The following ALDH1A3 variants were observed in gnomAD, a reference collection of about 807,000 sequenced individuals.
ALDH1A3 encodes the protein aldehyde dehydrogenase 1 family member A3.
Under a neutral mutation model 57.5 loss-of-function variants are expected in ALDH1A3, and 28 were observed. The ratio of observed to expected loss-of-function variants is 0.49; its 90% CI spans 0.36 to 0.67. ALDH1A3 has a LOEUF of 0.67. Ranked by LOEUF, ALDH1A3 falls within the 30% of genes least tolerant of loss-of-function variation. The pLI, the probability that ALDH1A3 is intolerant of heterozygous loss-of-function variation, is 0.00. For synonymous variants in ALDH1A3, 281 were observed against 264.8 expected (o/e 1.06, Z -0.59); for missense variants, 507 against 669.4 (o/e 0.76, Z 2.68).
chr15:100,902,496 G>A (rs779825794), intron 9 of ALDH1A3, among the ~76,000 whole-genome samples: 6 of 152,180 alleles, frequency 3.9e-5, no homozygotes, highest in Non-Finnish European at 8.8e-5. Flanking sequence ...CTAGATCCGG[G>A]TCCACGGCCG....
intron 1 of ALDH1A3, among the ~76,000 whole-genome samples, chr15:100,884,913 T>C (rs749834816): frequency 1.3e-5 from 2 of 152,224 alleles, no homozygotes; most frequent in African/African-American, 4.8e-5. Flanking sequence ...CAAAGTCTAT[T>C]GGGGTATGAG....
In ALDH1A3 at chr15:100,887,844, C is replaced by A; in HGVS notation, c.345+132C>A. The A allele has an allele frequency of 8.8e-7, 1 of 1,134,582 alleles. No homozygotes were observed. Among genetic ancestry groups the A allele is most frequent in the Non-Finnish European group, 1.2e-6 (1 of 846,656 alleles). The allele number at this position is 1,134,582 out of a possible 1,614,324, so 70.3% of individuals were successfully genotyped here. A position where few individuals can be genotyped will look rare whatever the true frequency, so the allele number is the denominator to read the frequency against. On this transcript the variant is annotated intron_variant, in intron 3 of 12. Coordinates refer to ENST00000329841, the MANE Select transcript of ALDH1A3 (RefSeq NM_000693.4). This position sits in a 1 kb window ranked among gnomAD's most constrained non-coding sequence, Gnocchi z 4.6. ...CGTGGGTCTGTTCCATCCTCTGAGA[C>A]ACGGCTCTCTGGCAATACTTGCAGG...
At position 100,916,616 on chromosome 15, in the gene ALDH1A3, T is replaced by C. The variant is rs571404545; in HGVS notation, c.*1843T>C. ...GCGAGAATGATAAAATAAAATTGGATATTTGAGAAACATTGTGCTTTTTCA... is the reference window on the plus strand; with the variant it reads ...GCGAGAATGATAAAATAAAATTGGACATTTGAGAAACATTGTGCTTTTTCA... On this transcript the variant is annotated 3_prime_UTR_variant, in exon 13 of 13. Coordinates refer to ENST00000329841, the MANE Select transcript of ALDH1A3 (RefSeq NM_000693.4). 2 of 152,376 alleles carry C rather than the reference T, an allele frequency of 1.3e-5. No homozygotes were observed. Among genetic ancestry groups the C allele is most frequent in the African/African-American group, 4.8e-5 (2 of 41,588 alleles). The allele number at this position is 152,376 out of a possible 1,614,324, so 9.4% of individuals were successfully genotyped here.
chr15:100,908,594 C>T (rs758770507), intron 12 of ALDH1A3, 112 bp downstream of exon 12: 89 of 967,674 alleles, frequency 9.2e-5, no homozygotes, highest in Middle Eastern at 4.3e-4. Flanking sequence ...CCCACACCGC[C>T]GCTCTGTCTG....
At chr15:100,884,517 T>G (rs2041574770) in intron 1 of ALDH1A3, among the ~76,000 whole-genome samples, 1 of 152,150 alleles carries the variant, frequency 6.6e-6, no homozygotes, top group East Asian at 1.9e-4. Context: ...GACATTTAAC[T>G]TTGTACTTCA....
In ALDH1A3 at chr15:100,906,021, G is replaced by A. The variant is rs985768863; in HGVS notation, c.1233+334G>A. 1.2e-4 allele frequency among the ~76,000 whole-genome samples: 19 copies of A among 152,100 alleles called. No individual in the cohort carries two copies. Among genetic ancestry groups the A allele is most frequent in the Admixed American group, 3.3e-4 (5 of 15,272 alleles). Reference sequence around the variant, plus strand: ...CGGTCCCCGAGTCAGTCATGCAGCCGCAGGTGGAGAACTGTTGCCACCTGT... The same window carrying A: ...CGGTCCCCGAGTCAGTCATGCAGCCACAGGTGGAGAACTGTTGCCACCTGT... On this transcript the variant is annotated intron_variant, in intron 10 of 12. Transcript: ENST00000329841. This position sits in a 1 kb window ranked among gnomAD's most constrained non-coding sequence, Gnocchi z 4.8.
intron 4 of ALDH1A3, 104 bp downstream of exon 4, chr15:100,892,743 C>G (rs1351055492): frequency 1.7e-5 from 25 of 1,468,044 alleles, no homozygotes; most frequent in Non-Finnish European, 2.2e-5. Context: ...CCATTCCCAA[C>G]CCCACTCCCT....
In ALDH1A3 at chr15:100,914,792, TC is replaced by T; in HGVS notation, c.*21del. The T allele has an allele frequency of 6.2e-7, 1 of 1,612,618 alleles. No individual in the cohort carries two copies. Among genetic ancestry groups the T allele is most frequent in the East Asian group, 2.2e-5 (1 of 44,868 alleles). On this transcript the variant is annotated 3_prime_UTR_variant, in exon 13 of 13. Coordinates refer to ENST00000329841, the MANE Select transcript of ALDH1A3 (RefSeq NM_000693.4). ...CCCCTGAAGGAAAGGCGGGGCTCCTTCCTCAAACATCGGACGGCGGAATGTG... is the reference window on the plus strand; with the variant it reads ...CCCCTGAAGGAAAGGCGGGGCTCCTTCTCAAACATCGGACGGCGGAATGTG...
chr15:100,898,277 G>A (rs2041730301), intron 8 of ALDH1A3, 92 bp downstream of exon 8: 12 of 1,129,582 alleles, frequency 1.1e-5, no homozygotes, highest in Non-Finnish European at 1.5e-5. Context: ...CCAACTGAGA[G>A]TAAGATGTGT....
intron 1 of ALDH1A3, among the ~76,000 whole-genome samples, chr15:100,883,148 C>T (rs1198314637): frequency 6.6e-6 from 1 of 152,110 alleles, no homozygotes; most frequent in Admixed American, 6.6e-5. Flanking sequence ...TCTTCTGCCA[C>T]CTTCTCATTT....
intron 3 of ALDH1A3, among the ~76,000 whole-genome samples, chr15:100,890,504 C>T (rs1343909595): frequency 1.3e-5 from 2 of 152,186 alleles, no homozygotes; most frequent in Non-Finnish European, 2.9e-5. Context: ...GTTGTCACTC[C>T]AGTAAGCAAA....
At chr15:100,899,053 G>T (rs192112448) in intron 8 of ALDH1A3, among the ~76,000 whole-genome samples, 146 of 152,284 alleles carry the variant, frequency 9.6e-4, no homozygotes, top group Middle Eastern at 6.8e-3. Flanking sequence ...CAAGAAAAAT[G>T]ACCCTGGCAC....
In ALDH1A3 at chr15:100,905,570, G is replaced by A. The variant is rs2041813634; in HGVS notation, c.1116G>A (p.Gly372=). The part of the protein sequence containing the change: ...FDKILELIES[G]KKEGAKLECG... The stretch of plus-strand genomic sequence containing the variant: ...AAATCTTAGAGCTGATCGAGAGTGG[G>A]AAGAAGGAAGGGGCCAAGCTGGAAT... Residue 372 remains glycine (G), a synonymous_variant, in exon 10 of 13, where the codon GGG becomes GGA. Coordinates refer to ENST00000329841, the MANE Select transcript of ALDH1A3 (RefSeq NM_000693.4). 1 of 1,614,058 alleles carries A rather than the reference G, an allele frequency of 6.2e-7. No individual in the cohort carries two copies. Among genetic ancestry groups the A allele is most frequent in the African/African-American group, 1.3e-5 (1 of 74,936 alleles).
Position 100,892,606 on chromosome 15 carries a change from G to A in ALDH1A3, c.442G>A (p.Ala148Thr), listed in dbSNP as rs765072555. The part of the protein sequence containing the change: ...IRTLRYFAGW[A>T]DKIQGKTIPT... Reference sequence around the variant, plus strand: ...AACCCTCAGATACTTTGCAGGGTGGGCAGACAAAATCCAGGGCAAGACCAT... The same window carrying A: ...AACCCTCAGATACTTTGCAGGGTGGACAGACAAAATCCAGGGCAAGACCAT... Residue 148 changes from alanine (A) to threonine (T), a missense_variant, in exon 4 of 13, where the codon GCA (alanine) becomes ACA (threonine). Ala to Thr is a moderately conservative substitution (Grantham distance 58, BLOSUM62 0). Around this residue, in one of 2 missense-constraint regions of ALDH1A3, gnomAD observed 432 missense variants for 608.4 expected, o/e 0.71. Transcript: ENST00000329841. The A allele has an allele frequency of 1.2e-5, 20 of 1,612,482 alleles. No homozygotes were observed. The highest frequency in any genetic ancestry group is 1.5e-5 in the Non-Finnish European group (18 of 1,179,602).
chr15:100,885,398 A>C (rs1315921223), intron 2 of ALDH1A3, 27 bp downstream of exon 2: 2 of 1,518,298 alleles, frequency 1.3e-6, no homozygotes, highest in Admixed American at 3.3e-5. Flanking sequence ...AATTTGCTCT[A>C]AGTAATTCAA....
intron 12 of ALDH1A3, among the ~76,000 whole-genome samples, chr15:100,912,273 T>A (rs576582226): frequency 4.6e-5 from 7 of 152,362 alleles, no homozygotes; most frequent in African/African-American, 9.6e-5. Context: ...CTGTTTTGGT[T>A]ACATTTCTTT....
intron 10 of ALDH1A3, among the ~76,000 whole-genome samples, 184 bp downstream of exon 10, chr15:100,905,871 G>A (rs1032351405): frequency 6.6e-6 from 1 of 151,736 alleles, no homozygotes; most frequent in Non-Finnish European, 1.5e-5. Flanking sequence ...TAGGGAAGCC[G>A]TTTTGTCCTG....
chr15:100,900,047 T>A lies in ALDH1A3; in HGVS notation c.884-528T>A, dbSNP rs1257065103. 2.0e-5 allele frequency among the ~76,000 whole-genome samples: 3 copies of A among 152,250 alleles called. No individual in the cohort carries two copies. In the East Asian group the frequency reaches 5.8e-4, roughly 29 times the overall value. On this transcript the variant is annotated intron_variant, in intron 8 of 12. Coordinates refer to ENST00000329841, the MANE Select transcript of ALDH1A3 (RefSeq NM_000693.4). ...TCTTATTCTCTAAATACCCTCTGGCTTGGTTTGAATAACTGGTTTTAGTTC... is the reference window on the plus strand; with the variant it reads ...TCTTATTCTCTAAATACCCTCTGGCATGGTTTGAATAACTGGTTTTAGTTC...
intron 3 of ALDH1A3, among the ~76,000 whole-genome samples, chr15:100,891,295 C>T (rs1025705633): frequency 1.3e-5 from 2 of 152,198 alleles, no homozygotes; most frequent in Non-Finnish European, 2.9e-5. Flanking sequence ...TTACCCAAGG[C>T]CCACTTACTT....
Sources: gnomAD v4.1 joint callset for allele counts (sites outside exome capture counted in the v4.1 genomes callset) on GRCh38, gnomAD v4.1.1 for gene constraint, gnomAD v4.1.1 regional missense constraint, Gnocchi (gnomAD v3.1) non-coding constraint, MANE v1.5 for transcripts, NCBI Gene and HGNC (gene_info 2026-07-23, HGNC 2026-07-21) for gene names.